Variants in SLC18A2 observed in about 807,000 individuals in gnomAD.
SLC18A2 encodes the protein synaptic vesicular amine transporter.
In SLC18A2, 33 loss-of-function variants were observed where a neutral mutation model predicts 59.2. That is an observed-to-expected ratio of 0.56 (90% CI 0.42 to 0.75). The LOEUF (loss-of-function observed/expected upper bound fraction) is 0.75. SLC18A2 is among the 30% of genes least tolerant of loss of function. SLC18A2 has a pLI of 0.00. For synonymous variants in SLC18A2, 228 were observed against 253.5 expected (o/e 0.90, Z 0.95); for missense variants, 569 against 668.6 (o/e 0.85, Z 1.64).
chr10:117,248,799 AACCAAAAGATATTCCAC>A (rs1844134560), intron 3 of SLC18A2, among the ~76,000 whole-genome samples: 1 of 152,224 alleles, frequency 6.6e-6, no homozygotes, highest in Non-Finnish European at 1.5e-5. Flanking sequence ...GCATCTTCAG[AACCAAAAGATATTCCAC>A]ACCAAACGAC....
At chr10:117,249,551 CGTT>C (rs993204516) in intron 3 of SLC18A2, among the ~76,000 whole-genome samples, 1 of 152,178 alleles carries the variant, frequency 6.6e-6, no homozygotes, top group Non-Finnish European at 1.5e-5. Flanking sequence ...TGTTGTCTCT[CGTT>C]GCATCTGGTG....
intron 10 of SLC18A2, among the ~76,000 whole-genome samples, chr10:117,260,061 A>G (rs1844277611): frequency 6.6e-6 from 1 of 152,106 alleles, no homozygotes; most frequent in South Asian, 2.1e-4. Flanking sequence ...TGATGCTATC[A>G]TATCTTAAAT....
chr10:117,251,335 T>C (rs970601699), intron 3 of SLC18A2, among the ~76,000 whole-genome samples: 1 of 152,204 alleles, frequency 6.6e-6, no homozygotes, highest in Non-Finnish European at 1.5e-5. Context: ...TGATTCAGTA[T>C]CCTGCAGTGC....
intron 13 of SLC18A2, 154 bp downstream of exon 13, chr10:117,267,890 T>C: frequency 1.9e-6 from 1 of 524,718 alleles, no homozygotes; most frequent in Admixed American, 2.8e-5. Flanking sequence ...CTGTCGATTC[T>C]CCGTGTAAAG....
intron 10 of SLC18A2, among the ~76,000 whole-genome samples, chr10:117,260,037 T>G (rs575781361): frequency 6.6e-6 from 1 of 152,374 alleles, no homozygotes; most frequent in Non-Finnish European, 1.5e-5. Flanking sequence ...AACTGCTTAT[T>G]GAGTTTTTAA....
At chr10:117,264,205 A>G (rs1179921864) in intron 10 of SLC18A2, among the ~76,000 whole-genome samples, 1 of 152,210 alleles carries the variant, frequency 6.6e-6, no homozygotes, top group Non-Finnish European at 1.5e-5. Context: ...GTGAGCAGAG[A>G]TATGTGAAGA....
intron 3 of SLC18A2, among the ~76,000 whole-genome samples, chr10:117,246,653 T>C (rs1330862635): frequency 6.7e-6 from 1 of 149,134 alleles, no homozygotes; most frequent in Non-Finnish European, 1.5e-5. Flanking sequence ...ACAAACAAAT[T>C]TTTTTTTCTT....
At chr10:117,261,885 C>G (rs967196540) in intron 10 of SLC18A2, among the ~76,000 whole-genome samples, 4 of 152,190 alleles carry the variant, frequency 2.6e-5, no homozygotes, top group African/African-American at 9.7e-5. Context: ...CTAAACATCA[C>G]TGAGCGATGC....
At chr10:117,266,683 C>A in intron 10 of SLC18A2, 50 bp from the exon 11 acceptor site, 1 of 1,378,848 alleles carries the variant, frequency 7.3e-7, no homozygotes, top group Non-Finnish European at 1.0e-6. Flanking sequence ...CTTTTTCTAA[C>A]ATATGACTGA....
Position 117,277,054 on chromosome 10 carries a change from G to A in SLC18A2, c.1441-108G>A, listed in dbSNP as rs898950779. 6.4e-6 allele frequency: 4 copies of A among 627,624 alleles called. No homozygotes were observed. In the East Asian group the frequency reaches 8.8e-5, roughly 14 times the overall value. The allele number at this position is 627,624 out of a possible 1,614,324, so 38.9% of individuals were successfully genotyped here. ...GCTCCAAATGACTGGTTAATAGCAA[G>A]TAATACTACATAGTTTTCAAACTAA... On this transcript the variant is annotated intron_variant, in intron 15 of 15. Transcript: ENST00000644641.
At chr10:117,268,672 C>A (rs1188913226) in intron 13 of SLC18A2, 2 of 152,642 alleles carry the variant, frequency 1.3e-5, no homozygotes, top group Non-Finnish European at 2.9e-5. Flanking sequence ...GCATGCCTGA[C>A]CCACCTCCTG....
intron 3 of SLC18A2, among the ~76,000 whole-genome samples, chr10:117,246,068 GC>G (rs1367226419): frequency 6.6e-6 from 1 of 152,216 alleles, no homozygotes; most frequent in Non-Finnish European, 1.5e-5. Context: ...CTCAGTAGTT[GC>G]AGGATTGTTT....
chr10:117,273,621 T>A (rs145529494), intron 15 of SLC18A2, among the ~76,000 whole-genome samples: 1 of 152,308 alleles, frequency 6.6e-6, no homozygotes, highest in East Asian at 1.9e-4. Context: ...ATTCTGCATA[T>A]TCTAAGTTGT....
At chr10:117,266,650 C>A in intron 10 of SLC18A2, 83 bp from the exon 11 acceptor site, 1 of 1,073,518 alleles carries the variant, frequency 9.3e-7, no homozygotes, top group Non-Finnish European at 1.4e-6. Flanking sequence ...CTCTCATCAA[C>A]ATTGTGGTGT....
chr10:117,265,844 C>T (rs914541061), intron 10 of SLC18A2, among the ~76,000 whole-genome samples: 1 of 152,138 alleles, frequency 6.6e-6, no homozygotes, highest in East Asian at 1.9e-4. Flanking sequence ...AATCCCAGCA[C>T]TTTGGGAGGC....
At chr10:117,274,797 G>T (rs1844466527) in intron 15 of SLC18A2, among the ~76,000 whole-genome samples, 2 of 152,192 alleles carry the variant, frequency 1.3e-5, no homozygotes, top group Admixed American at 6.5e-5. Context: ...CTCCACCTGG[G>T]ACCCTGGAGT....
chr10:117,266,967 GC>G lies in SLC18A2; in HGVS notation c.1071-16del. On this transcript the variant is annotated splice_polypyrimidine_tract_variant and intron_variant, in intron 11 of 15. Coordinates refer to ENST00000644641, the MANE Select transcript of SLC18A2 (RefSeq NM_003054.6). ...AATCAAATGATCATTTCTTGATGGT[GC>G]TTTTTCTTTTGGTAGGTGGCTTTGT... 6.2e-7 allele frequency: 1 copy of G among 1,611,312 alleles called. No homozygotes were observed. The highest frequency in any genetic ancestry group is 1.1e-5 in the South Asian group (1 of 90,080).
At chr10:117,254,623 C>A in intron 6 of SLC18A2, 126 bp downstream of exon 6, 1 of 519,786 alleles carries the variant, frequency 1.9e-6, no homozygotes. Context: ...TTATTTTTTT[C>A]CTTTCCTGCT....
At chr10:117,243,866 G>C in intron 2 of SLC18A2, 105 bp from the exon 3 acceptor site, 1 of 864,416 alleles carries the variant, frequency 1.2e-6, no homozygotes, top group Non-Finnish European at 1.8e-6. Context: ...AATTACAGGT[G>C]TGAGCCACTG....
Sources: gnomAD v4.1 joint callset for allele counts (sites outside exome capture counted in the v4.1 genomes callset) on GRCh38, gnomAD v4.1.1 for gene constraint, MANE v1.5 for transcripts, NCBI Gene and HGNC (gene_info 2026-07-23, HGNC 2026-07-21) for gene names.